CDH13: variants seen among roughly 807,000 people sequenced by gnomAD.
The protein encoded by CDH13 is cadherin-13.
CDH13 carries 24 observed loss-of-function variants against 63.8 expected under a neutral mutation model. The ratio of observed to expected loss-of-function variants is 0.38; its 90% CI spans 0.27 to 0.53. The LOEUF (loss-of-function observed/expected upper bound fraction) is 0.53, where lower values mean the gene tolerates loss of function less well. Ranked by LOEUF, CDH13 falls within the 20% of genes least tolerant of loss-of-function variation. The probability of loss-of-function intolerance (pLI) is 0.85; values close to 1 mark genes in which losing one functional copy is unlikely to be tolerated. For missense variants in CDH13, 1,049 were observed against 903.1 expected (o/e 1.16, Z -2.07); for synonymous variants, 503 against 355.3 (o/e 1.42, Z -4.67).
At chr16:83,179,043 C>T (rs1597473105) in intron 4 of CDH13, among the ~76,000 whole-genome samples, 1 of 152,138 alleles carries the variant, frequency 6.6e-6, no homozygotes, top group South Asian at 2.1e-4. Context: ...ATGCATTAAG[C>T]CTCAACAAAT....
rs1267413223 is a variant in CDH13, at chr16:83,346,252, G to A, written c.781+1246G>A. Among the ~76,000 whole-genome samples the A allele has an allele frequency of 2.6e-5, 4 of 152,220 alleles. No individual in the cohort carries two copies. In the East Asian group the frequency reaches 5.8e-4, roughly 22 times the overall value. On this transcript the variant is annotated intron_variant, in intron 6 of 13. Coordinates refer to ENST00000567109, the MANE Select transcript of CDH13 (RefSeq NM_001257.5). ...GAGAGAAGGAGAGAGGGCAGGTGAA[G>A]GGAGGTCAGGTCACTTCAGGGCAGA...
chr16:83,423,987 C>A (rs1358371938), intron 6 of CDH13, among the ~76,000 whole-genome samples: 1 of 152,180 alleles, frequency 6.6e-6, no homozygotes, highest in Non-Finnish European at 1.5e-5. Flanking sequence ...CCTGGGAAAC[C>A]AGTCTAGAAG....
At position 83,047,332 on chromosome 16, in the gene CDH13, C is replaced by T. The variant is rs141741803; in HGVS notation, c.366+15114C>T. 1.3e-5 allele frequency among the ~76,000 whole-genome samples: 2 copies of T among 152,280 alleles called. No homozygotes were observed. Among genetic ancestry groups the T allele is most frequent in the Admixed American group, 6.5e-5 (1 of 15,292 alleles). ...TATTTCTGTCCTTGCATTGTCCATT[C>T]TCGTAAACCGTGGTTAACACAGATA... On this transcript the variant is annotated intron_variant, in intron 3 of 13. Coordinates refer to ENST00000567109, the MANE Select transcript of CDH13 (RefSeq NM_001257.5). The surrounding 1 kb of genome is among the most constrained non-coding windows in gnomAD (Gnocchi z 4.9).
At chr16:83,117,001 G>A (rs1045396856) in intron 3 of CDH13, among the ~76,000 whole-genome samples, 19 of 152,176 alleles carry the variant, frequency 1.2e-4, no homozygotes, top group African/African-American at 3.1e-4. Context: ...AATCATCGTA[G>A]GACGATGAGC....
intron 7 of CDH13, among the ~76,000 whole-genome samples, chr16:83,584,029 GA>G (rs1905895576): frequency 1.3e-5 from 2 of 152,188 alleles, no homozygotes; most frequent in South Asian, 4.2e-4. Context: ...CAAAAGCAGA[GA>G]GTTAAAGCAT....
intron 7 of CDH13, among the ~76,000 whole-genome samples, chr16:83,591,763 C>G (rs1906776466): frequency 6.6e-6 from 1 of 152,182 alleles, no homozygotes; most frequent in Admixed American, 6.5e-5. Context: ...CCCTGGGGAG[C>G]CACTTATATA....
intron 1 of CDH13, among the ~76,000 whole-genome samples, chr16:82,832,236 A>G (rs568530363): frequency 2.4e-5 from 2 of 83,806 alleles, no homozygotes; most frequent in Admixed American, 1.2e-4. Flanking sequence ...AATCTCATTA[A>G]ACCACTGTTT....
intron 8 of CDH13, among the ~76,000 whole-genome samples, chr16:83,649,007 A>G (rs926808750): frequency 2.0e-5 from 3 of 152,234 alleles, no homozygotes; most frequent in African/African-American, 7.2e-5. Flanking sequence ...GTGGCAAGAC[A>G]TCTTATCACT....
intron 4 of CDH13, among the ~76,000 whole-genome samples, chr16:83,144,875 C>G (rs997586063): frequency 6.6e-6 from 1 of 152,186 alleles, no homozygotes; most frequent in African/African-American, 2.4e-5. Context: ...CAGACAGCAG[C>G]TACAGAGCCT....
chr16:82,869,764 A>C (rs557184108), intron 2 of CDH13, among the ~76,000 whole-genome samples: 1 of 152,258 alleles, frequency 6.6e-6, no homozygotes, highest in Admixed American at 6.5e-5. Flanking sequence ...TGCTGGGAAA[A>C]CTGGATATCC....
chr16:83,504,832 A>G (rs1034082853), intron 7 of CDH13, among the ~76,000 whole-genome samples: 8 of 152,232 alleles, frequency 5.3e-5, no homozygotes, highest in Non-Finnish European at 1.0e-4. Flanking sequence ...TGTGTTTTTT[A>G]AAGTAGAAAA....
Position 83,455,567 on chromosome 16 carries a change from G to A in CDH13, c.782-30910G>A, listed in dbSNP as rs189816372. Among the ~76,000 whole-genome samples the A allele has an allele frequency of 1.3e-4, 20 of 152,250 alleles. No individual in the cohort carries two copies. The South Asian group carries it at 2.1e-3, about 16-fold the overall frequency. On this transcript the variant is annotated intron_variant, in intron 6 of 13. Coordinates refer to ENST00000567109, the MANE Select transcript of CDH13 (RefSeq NM_001257.5). ...GCAGGAGCTTCAGCCATTGCTACAC[G>A]TGGCTCCTTCTTGTGCTCTTCTCTG...
intron 6 of CDH13, among the ~76,000 whole-genome samples, chr16:83,467,118 C>G (rs1050979248): frequency 1.3e-5 from 2 of 152,162 alleles, no homozygotes; most frequent in Non-Finnish European, 2.9e-5. Flanking sequence ...CAATATAAGC[C>G]ATAATGGCTG....
intron 1 of CDH13, among the ~76,000 whole-genome samples, chr16:82,688,594 A>C (rs534282046): frequency 6.9e-4 from 105 of 152,348 alleles, no homozygotes; most frequent in Non-Finnish European, 1.3e-3. Context: ...GTAATAGTGA[A>C]AACATCATTC....
At chr16:82,998,076 A>C (rs1247796428) in intron 2 of CDH13, among the ~76,000 whole-genome samples, 2 of 152,242 alleles carry the variant, frequency 1.3e-5, no homozygotes, top group Admixed American at 6.5e-5. Context: ...GTTGGTGACC[A>C]GCTCAAATTT....
At chr16:83,030,640 T>TAAAAAA (rs35207887) in intron 2 of CDH13, among the ~76,000 whole-genome samples, 7,318 of 92,584 alleles carry the variant, frequency 0.079, 469 homozygotes, top group African/African-American at 0.11. Context: ...AAGACTCTGT[T>TAAAAAA]AAAAAAAAAA....
chr16:83,379,938 TAGAGAGAG>T (rs71148831), intron 6 of CDH13, among the ~76,000 whole-genome samples: 1 of 123,462 alleles, frequency 8.1e-6, no homozygotes, highest in Admixed American at 8.3e-5. Context: ...TATATATATA[TAGAGAGAG>T]AGAGAGAGAG....
intron 1 of CDH13, among the ~76,000 whole-genome samples, chr16:82,721,002 T>G (rs560344106): frequency 8.3e-4 from 126 of 152,196 alleles, no homozygotes; most frequent in Non-Finnish European, 1.2e-3. Context: ...GATTATGGGA[T>G]GAAGCCATGA....
At chr16:83,762,944 AG>A (rs1208288319) in intron 11 of CDH13, among the ~76,000 whole-genome samples, 1 of 152,220 alleles carries the variant, frequency 6.6e-6, no homozygotes, top group East Asian at 1.9e-4. Context: ...CGAAAACAAA[AG>A]GTGTCCCTGT....
Sources: allele counts gnomAD v4.1 joint callset (sites outside exome capture counted in the v4.1 genomes callset), GRCh38; gene constraint gnomAD v4.1.1; non-coding constraint Gnocchi (gnomAD v3.1); transcripts MANE v1.5; gene names NCBI Gene and HGNC (gene_info 2026-07-23, HGNC 2026-07-21).